The following NCAM2 variants were observed in gnomAD, a reference collection of about 807,000 sequenced individuals.
The protein encoded by NCAM2 is N-CAM-2.
In NCAM2, 30 loss-of-function variants were observed where a neutral mutation model predicts 98.1. The ratio of observed to expected loss-of-function variants is 0.31; its 90% CI spans 0.23 to 0.41. NCAM2 has a LOEUF of 0.41. NCAM2 is among the 10% of genes least tolerant of loss of function. The pLI, the probability that NCAM2 is intolerant of heterozygous loss-of-function variation, is 1.00. For synonymous variants in NCAM2, 368 were observed against 342.4 expected (o/e 1.07, Z -0.83); for missense variants, 867 against 1,005.8 (o/e 0.86, Z 1.87).
At chr21:21,319,814 C>T (rs950116275) in intron 5 of NCAM2, among the ~76,000 whole-genome samples, 6 of 151,780 alleles carry the variant, frequency 4.0e-5, no homozygotes, top group African/African-American at 1.5e-4. Context: ...TGGAGAAAAG[C>T]GTAATTATGA....
rs138944464 is a variant in NCAM2 at position 21,328,579 on chromosome 21, TAA to T, written c.737+4092_737+4093del. 8.5e-4 allele frequency among the ~76,000 whole-genome samples: 122 copies of T among 143,218 alleles called. 1 individual carries two copies. The highest frequency in any genetic ancestry group is 1.3e-3 in the Non-Finnish European group (84 of 65,564). The allele number at this position is 143,218 out of a possible 152,430, so 94.0% of individuals were successfully genotyped here. Reference sequence around the variant, plus strand: ...CGAGGCTAATGGGGGTATCTTCCTTTAAAAAAAAAAAAAATTAGTGATAAAAA... The same window carrying T: ...CGAGGCTAATGGGGGTATCTTCCTTTAAAAAAAAAAAATTAGTGATAAAAA... On this transcript the variant is annotated intron_variant, in intron 6 of 17. Transcript: ENST00000400546.
At chr21:21,327,297 ACT>A (rs2074543692) in intron 6 of NCAM2, among the ~76,000 whole-genome samples, 2 of 113,444 alleles carry the variant, frequency 1.8e-5, no homozygotes, top group Non-Finnish European at 3.3e-5. Context: ...ACAGAGCAAG[ACT>A]CTGTCTCAAA....
At chr21:21,452,099 A>T (rs1227589924) in intron 12 of NCAM2, among the ~76,000 whole-genome samples, 1 of 149,538 alleles carries the variant, frequency 6.7e-6, no homozygotes, top group East Asian at 1.9e-4. Flanking sequence ...TTTATTAGTG[A>T]CTTTATCTCT....
intron 1 of NCAM2, among the ~76,000 whole-genome samples, chr21:21,134,180 T>TGAGTA (rs1206868942): frequency 2.6e-5 from 4 of 152,006 alleles, no homozygotes; most frequent in African/African-American, 9.7e-5. Flanking sequence ...GAGATTCTCC[T>TGAGTA]GCGTCAGCCT....
chr21:21,169,148 G>A, intron 1 of NCAM2, among the ~76,000 whole-genome samples: 1 of 152,044 alleles, frequency 6.6e-6, no homozygotes, highest in East Asian at 1.9e-4. Flanking sequence ...ATTATAGTCA[G>A]CTGATCTTTG....
intron 1 of NCAM2, among the ~76,000 whole-genome samples, chr21:21,156,304 A>G (rs1282134513): frequency 6.6e-6 from 1 of 152,048 alleles, no homozygotes; most frequent in Non-Finnish European, 1.5e-5. Flanking sequence ...CAAAGGAGTA[A>G]ATTTATTTTG....
intron 1 of NCAM2, among the ~76,000 whole-genome samples, chr21:21,090,025 C>T (rs1199535394): frequency 1.3e-5 from 2 of 152,066 alleles, no homozygotes; most frequent in South Asian, 2.1e-4. Context: ...AAATGGAAAC[C>T]ACAACTACCC....
In NCAM2 at chr21:21,164,086, G is replaced by T. The variant is rs537602674; in HGVS notation, c.56-116492G>T. Among the ~76,000 whole-genome samples, 198 of 152,274 alleles carry T rather than the reference G, an allele frequency of 1.3e-3. 2 individuals carry two copies. Among genetic ancestry groups the T allele is most frequent in the African/African-American group, 4.6e-3 (191 of 41,556 alleles). On this transcript the variant is annotated intron_variant, in intron 1 of 17. Coordinates refer to ENST00000400546, the MANE Select transcript of NCAM2 (RefSeq NM_004540.5). ...AATCTATTTATATTTAGCAAGACTGGACAGCTGCCACCAGGTGGCACTAAA... is the reference window on the plus strand; with the variant it reads ...AATCTATTTATATTTAGCAAGACTGTACAGCTGCCACCAGGTGGCACTAAA...
rs540470425 is a variant in NCAM2, at chr21:21,074,355, TTTA to T, written c.55+75741_55+75743del. Among the ~76,000 whole-genome samples the T allele has an allele frequency of 1.2e-3, 176 of 152,206 alleles. 6 individuals carry two copies. The South Asian group carries it at 0.035, about 30-fold the overall frequency. On this transcript the variant is annotated intron_variant, in intron 1 of 17. Coordinates refer to ENST00000400546, the MANE Select transcript of NCAM2 (RefSeq NM_004540.5). ...CATTTATTTATTAGCATTTATTACA[TTTA>T]TTACATTTATTGATTAACATTTAAT...
At chr21:21,482,717 ATAC>A (rs1448732600) in intron 15 of NCAM2, among the ~76,000 whole-genome samples, 1 of 151,794 alleles carries the variant, frequency 6.6e-6, no homozygotes, top group Admixed American at 6.6e-5. Flanking sequence ...ATGCTAGTGG[ATAC>A]TACATTTCTT....
chr21:21,383,839 T>C (rs573429771), intron 9 of NCAM2, among the ~76,000 whole-genome samples: 4 of 152,182 alleles, frequency 2.6e-5, no homozygotes, highest in Admixed American at 2.6e-4. Flanking sequence ...TTTTTCACAT[T>C]GTTTAGAGTA....
chr21:21,475,804 G>A (rs973575177), intron 14 of NCAM2, among the ~76,000 whole-genome samples: 1 of 152,016 alleles, frequency 6.6e-6, no homozygotes, highest in Non-Finnish European at 1.5e-5. Context: ...ATTTTTACAC[G>A]AAATAGCAAA....
At chr21:21,251,161 T>C (rs553433438) in intron 1 of NCAM2, among the ~76,000 whole-genome samples, 23 of 152,290 alleles carry the variant, frequency 1.5e-4, no homozygotes, top group African/African-American at 5.5e-4. Flanking sequence ...TTATTTTATT[T>C]TATTTTATTA....
chr21:21,442,365 T>A (rs911623849), intron 12 of NCAM2, among the ~76,000 whole-genome samples: 9 of 152,066 alleles, frequency 5.9e-5, no homozygotes, highest in African/African-American at 2.2e-4. Context: ...ACATGGAGGA[T>A]AGGACATAGG....
chr21:21,184,239 G>C (rs1317492189), intron 1 of NCAM2, among the ~76,000 whole-genome samples: 1 of 151,654 alleles, frequency 6.6e-6, no homozygotes, highest in African/African-American at 2.4e-5. Context: ...CAGGGAATTA[G>C]TTTCTATAAG....
intron 1 of NCAM2, among the ~76,000 whole-genome samples, chr21:21,150,678 T>C (rs2146705355): frequency 6.6e-6 from 1 of 152,180 alleles, no homozygotes; most frequent in Middle Eastern, 3.4e-3. Context: ...TTCATCATGA[T>C]ATTGTCTGTG....
chr21:21,173,159 T>G (rs998371082), intron 1 of NCAM2, among the ~76,000 whole-genome samples: 1 of 152,128 alleles, frequency 6.6e-6, no homozygotes, highest in Non-Finnish European at 1.5e-5. Flanking sequence ...CCTTTTTTTG[T>G]GTATTTAGTA....
intron 1 of NCAM2, among the ~76,000 whole-genome samples, chr21:21,146,400 T>C (rs954595689): frequency 3.3e-5 from 5 of 151,604 alleles, no homozygotes; most frequent in African/African-American, 7.3e-5. Context: ...TTAGGTCTTC[T>C]ACAGTGATAC....
At chr21:21,454,763 A>T (rs1245805297) in intron 12 of NCAM2, among the ~76,000 whole-genome samples, 1 of 152,040 alleles carries the variant, frequency 6.6e-6, no homozygotes, top group Non-Finnish European at 1.5e-5. Context: ...TTTCTCAAGC[A>T]TCTAAATGCT....
Sources: allele counts gnomAD v4.1 joint callset (sites outside exome capture counted in the v4.1 genomes callset), GRCh38; gene constraint gnomAD v4.1.1; transcripts MANE v1.5; gene names NCBI Gene and HGNC (gene_info 2026-07-23, HGNC 2026-07-21).